DPH6: variants seen among roughly 807,000 people sequenced by gnomAD.
The protein encoded by DPH6 is diphthamine biosynthesis 6, also known as diphthine--ammonia ligase.
A neutral mutation model predicts 38.2 loss-of-function variants in DPH6; 33 were observed. The observed-to-expected ratio is 0.86, with a 90% CI of 0.65 to 1.15. The LOEUF is 1.15. Among genes scored for constraint, DPH6 ranks in the 50% most tolerant of loss-of-function variants. The pLI, the probability that DPH6 is intolerant of heterozygous loss-of-function variation, is 0.00. For missense variants in DPH6, 325 were observed against 320.0 expected (o/e 1.02, Z -0.12); for synonymous variants, 108 against 103.0 (o/e 1.05, Z -0.30).
intron 3 of DPH6, among the ~76,000 whole-genome samples, chr15:35,335,348 T>A (rs1464415548): frequency 6.6e-6 from 1 of 152,232 alleles, no homozygotes; most frequent in Non-Finnish European, 1.5e-5. Context: ...GGTTGTCTGT[T>A]TACTTTGTTG....
chr15:35,316,245 T>C (rs1253462258), intron 3 of DPH6, among the ~76,000 whole-genome samples: 1 of 152,200 alleles, frequency 6.6e-6, no homozygotes, highest in Non-Finnish European at 1.5e-5. Context: ...ATTCCAAGTA[T>C]ACTGATTTGA....
At position 35,418,029 on chromosome 15, in the gene DPH6, G is replaced by A. The variant is rs528723109; in HGVS notation, c.506-7133C>T. Among the ~76,000 whole-genome samples the A allele has an allele frequency of 5.3e-5, 8 of 152,040 alleles. No individual in the cohort carries two copies. In the South Asian group the frequency reaches 6.2e-4, roughly 12 times the overall value. The stretch of plus-strand genomic sequence containing the variant: ...CAATTCAACTTTATCTAAAAGCTTC[G>A]ATTTACCTCAGTCCTTGGAAAAGAT... On this transcript the variant is annotated intron_variant, in intron 5 of 8. Coordinates refer to ENST00000256538, the MANE Select transcript of DPH6 (RefSeq NM_080650.4).
chr15:35,171,718 T>C, the DPH6 span, among the ~76,000 whole-genome samples: 1 of 152,058 alleles, frequency 6.6e-6, no homozygotes, highest in Non-Finnish European at 1.5e-5. Flanking sequence ...GTTGGATTTT[T>C]CTGGATTTTG....
intron 3 of DPH6, among the ~76,000 whole-genome samples, chr15:35,362,340 CAT>C (rs559634135): frequency 2.6e-5 from 4 of 152,192 alleles, no homozygotes; most frequent in Non-Finnish European, 5.9e-5. Context: ...GAATCCAAAA[CAT>C]GTCAGTTCTG....
chr15:35,543,288 A>ATATG (rs2055293515), intron 1 of DPH6, among the ~76,000 whole-genome samples: 1 of 60,714 alleles, frequency 1.6e-5, no homozygotes, highest in Non-Finnish European at 4.2e-5. Context: ...ATATATATAT[A>ATATG]TATATATATA....
At chr15:35,423,627 A>G (rs1036566082) in intron 5 of DPH6, among the ~76,000 whole-genome samples, 1 of 151,612 alleles carries the variant, frequency 6.6e-6, no homozygotes, top group African/African-American at 2.4e-5. Flanking sequence ...CAGTCCAATG[A>G]CAAGATTTTT....
the DPH6 span, among the ~76,000 whole-genome samples, chr15:35,164,161 G>A: frequency 1.3e-5 from 2 of 151,760 alleles, no homozygotes; most frequent in African/African-American, 4.8e-5. Flanking sequence ...AAAAAATTCA[G>A]CTACCAGCAT....
Position 35,298,920 on chromosome 15 carries a change from G to A in DPH6, n.200+74601C>T, listed in dbSNP as rs1271899246. 4 of 814,622 alleles carry A rather than the reference G, an allele frequency of 4.9e-6. No homozygotes were observed. The East Asian group carries it at 9.7e-5, about 20-fold the overall frequency. 50.5% of individuals were successfully genotyped at this position (814,622 alleles called of 1,614,324 possible). ...GTCTTTTACTGCCAGAGAAGTGGGT[G>A]AGGCAATGGCAGCTCCGCCCATACT... On this transcript the variant is annotated intron_variant and non_coding_transcript_variant, in intron 3 of 3. Transcript: ENST00000560386.
chr15:35,530,334 A>T (rs560600846), intron 3 of DPH6, among the ~76,000 whole-genome samples: 2 of 152,252 alleles, frequency 1.3e-5, no homozygotes, highest in African/African-American at 4.8e-5. Context: ...AAACAAAAAA[A>T]CCCAACCAGT....
At chr15:35,336,228 T>C (rs1223083222) in intron 3 of DPH6, among the ~76,000 whole-genome samples, 1 of 151,778 alleles carries the variant, frequency 6.6e-6, no homozygotes, top group Non-Finnish European at 1.5e-5. Context: ...CACTGCTAGA[T>C]TGGGGAAGTT....
intron 6 of DPH6, chr15:35,401,519 A>G (rs993877901): frequency 1.4e-5 from 11 of 771,384 alleles, no homozygotes; most frequent in African/African-American, 8.5e-5. Context: ...TATGACAGCT[A>G]TAACAATGGA....
chr15:35,506,774 T>G (rs1595427415), intron 3 of DPH6, among the ~76,000 whole-genome samples: 2 of 152,236 alleles, frequency 1.3e-5, no homozygotes, highest in African/African-American at 4.8e-5. Flanking sequence ...TCATTAACAA[T>G]AGATTTTTTA....
chr15:35,519,516 AAAG>A (rs1241524395), intron 3 of DPH6: 3 of 152,102 alleles, frequency 2.0e-5, no homozygotes, highest in South Asian at 2.1e-4. Flanking sequence ...CAAGGGATAA[AAAG>A]AAGAAGCAGC....
chr15:35,167,681 T>C, the DPH6 span, among the ~76,000 whole-genome samples: 1 of 151,960 alleles, frequency 6.6e-6, no homozygotes, highest in African/African-American at 2.4e-5. Context: ...ATGAACCATT[T>C]ATATATAGCA....
intron 5 of DPH6, among the ~76,000 whole-genome samples, chr15:35,447,790 A>G (rs1422007467): frequency 1.3e-5 from 2 of 151,030 alleles, no homozygotes; most frequent in East Asian, 3.9e-4. Flanking sequence ...CCATTGGATC[A>G]GGCAAAACTA....
At chr15:35,542,287 T>C in intron 2 of DPH6, 126 bp downstream of exon 2, 1 of 715,796 alleles carries the variant, frequency 1.4e-6, no homozygotes, top group Non-Finnish European at 2.2e-6. Flanking sequence ...GAAACTAGCA[T>C]CTAATGGGTG....
the DPH6 span, among the ~76,000 whole-genome samples, chr15:35,178,785 CA>C: frequency 6.6e-6 from 1 of 152,090 alleles, no homozygotes; most frequent in Non-Finnish European, 1.5e-5. Context: ...TTAGAGGTAT[CA>C]GGGGCCTACC....
chr15:35,255,040 G>A (rs1201075798), intron 3 of DPH6, among the ~76,000 whole-genome samples: 1 of 152,094 alleles, frequency 6.6e-6, no homozygotes, highest in Non-Finnish European at 1.5e-5. Flanking sequence ...GTTACTTTAG[G>A]CCATCTGGAT....
At chr15:35,154,169 G>T in the DPH6 span, among the ~76,000 whole-genome samples, 1 of 152,082 alleles carries the variant, frequency 6.6e-6, no homozygotes, top group Non-Finnish European at 1.5e-5. Context: ...AGCTGGAAGA[G>T]GGTTTTTAAT....
Sources: allele counts gnomAD v4.1 joint callset (sites outside exome capture counted in the v4.1 genomes callset), GRCh38; gene constraint gnomAD v4.1.1; transcripts MANE v1.5; gene names NCBI Gene and HGNC (gene_info 2026-07-23, HGNC 2026-07-21).